Variants in NLRP8 observed in about 807,000 individuals in gnomAD.
NLRP8 encodes NACHT, LRR and PYD domains-containing protein 8.
A neutral mutation model predicts 88.7 loss-of-function variants in NLRP8; 86 were observed. The ratio of observed to expected loss-of-function variants is 0.97; its 90% CI spans 0.81 to 1.16. NLRP8 has a LOEUF of 1.16. Ranked by LOEUF, NLRP8 falls within the 50% of genes most tolerant of loss-of-function variation. The pLI is 0.00. For synonymous variants in NLRP8, 504 were observed against 494.6 expected, an observed-to-expected ratio of 1.02 and a Z score of -0.25; for missense variants, 1,342 against 1,286.5, an observed-to-expected ratio of 1.04 and a Z score of -0.66.
At chr19:55,984,450 T>C (rs896151448) in intron 9 of NLRP8, among the ~76,000 whole-genome samples, 1 of 150,352 alleles carries the variant, frequency 6.7e-6, no homozygotes, top group African/African-American at 2.5e-5. Flanking sequence ...AGGTCAGGAA[T>C]TTGAGACCGG....
chr19:55,978,451 G>T (rs930619776), intron 8 of NLRP8, among the ~76,000 whole-genome samples: 2 of 152,068 alleles, frequency 1.3e-5, no homozygotes, highest in Admixed American at 1.3e-4. Flanking sequence ...CCAAGGTGGA[G>T]GGGCTGCATC....
chr19:55,953,700 A>G (rs1979199563), intron 2 of NLRP8, among the ~76,000 whole-genome samples: 1 of 148,752 alleles, frequency 6.7e-6, no homozygotes, highest in Non-Finnish European at 1.5e-5. Flanking sequence ...GGGTTTCACC[A>G]TGTTAGCCAG....
chr19:55,982,198 G>A (rs375548788), intron 9 of NLRP8, among the ~76,000 whole-genome samples: 3 of 152,030 alleles, frequency 2.0e-5, no homozygotes, highest in African/African-American at 4.8e-5. Context: ...CACTATGCCC[G>A]GCCCAGGTTG....
At chr19:55,974,710 TG>T (rs1980228814) in intron 7 of NLRP8, among the ~76,000 whole-genome samples, 1 of 142,440 alleles carries the variant, frequency 7.0e-6, no homozygotes. Flanking sequence ...CACTCCAGCC[TG>T]GGCGACAGAG....
At chr19:55,948,310 C>A (rs1463136331) in intron 1 of NLRP8, 41 bp downstream of exon 1, 2 of 1,574,294 alleles carry the variant, frequency 1.3e-6, no homozygotes, top group East Asian at 2.3e-5. Context: ...GTGGGCTTGG[C>A]TGCTGGGCAG....
At position 55,955,400 on chromosome 19, in the gene NLRP8, C is replaced by T; in HGVS notation, c.1342C>T (p.Gln448Ter). 1 of 1,614,144 alleles carries T rather than the reference C, an allele frequency of 6.2e-7. No homozygotes were observed. The highest frequency in any genetic ancestry group is 1.3e-5 in the African/African-American group (1 of 75,034). ...TGAGAACTTTTCCAGAAAGATCCAC[C>T]AAGCACAACTGGAAGGTCTGTGTCA... Residue 448 changes from glutamine (Q) to a stop codon, truncating the protein, a stop_gained, in exon 3 of 10, where the codon CAA (glutamine) becomes TAA (stop). Transcript: ENST00000291971. LOFTEE classifies it high-confidence loss of function.
rs1179365084 is a variant in NLRP8, at chr19:55,957,671, AATTATATATATATATATATATATATAT to A, written c.2042+1574_2042+1600del. On this transcript the variant is annotated intron_variant, in intron 3 of 9. Coordinates refer to ENST00000291971, the MANE Select transcript of NLRP8 (RefSeq NM_176811.2). ...ACTATCTTAAAAAAGAAAAAATAATAATTATATATATATATATATATATATATATATATATATATATATATATATATA... is the reference window on the plus strand; with the variant it reads ...ACTATCTTAAAAAAGAAAAAATAATAATATATATATATATATATATATATA... Among the ~76,000 whole-genome samples the A allele has an allele frequency of 5.3e-3, 295 of 55,278 alleles. 19 individuals are homozygous for A. Among genetic ancestry groups the A allele is most frequent in the African/African-American group, 0.02 (218 of 11,156 alleles). 36.3% of individuals were successfully genotyped at this position (55,278 alleles called of 152,430 possible).
intron 6 of NLRP8, among the ~76,000 whole-genome samples, chr19:55,972,529 A>G (rs1476110841): frequency 1.3e-5 from 2 of 151,736 alleles, no homozygotes; most frequent in African/African-American, 4.8e-5. Flanking sequence ...CACGCCCAAC[A>G]TCCGAGCAGT....
rs1978921267 is a variant in NLRP8, at chr19:55,947,999, C to T, written c.97C>T (p.Pro33Ser). 2 of 1,614,092 alleles carry T rather than the reference C, an allele frequency of 1.2e-6. No individual in the cohort carries two copies. Among genetic ancestry groups the T allele is most frequent in the Non-Finnish European group, 1.7e-6 (2 of 1,180,034 alleles). ...TCCGCCCTGGACATTCTCTTGCTAC[C>T]CCGGCTCCCCATGTGAAAATGGGGT... The change falls in exon 1 of 10, where the codon CCC (proline) becomes TCC (serine). Residue 33 changes from proline (P) to serine (S), a missense_variant. Transcript: ENST00000291971.
At chr19:55,976,808 G>A (rs1467812822) in intron 8 of NLRP8, among the ~76,000 whole-genome samples, 6 of 30,032 alleles carry the variant, frequency 2.0e-4, no homozygotes, top group East Asian at 1.8e-3. Context: ...GGCCAGGCGC[G>A]GTGGCTCACG....
chr19:55,949,994 T>C (rs1033141217), intron 1 of NLRP8, among the ~76,000 whole-genome samples: 3 of 152,118 alleles, frequency 2.0e-5, no homozygotes, highest in African/African-American at 4.8e-5. Context: ...TAGCTCATCA[T>C]GTGAAAAGGA....
At position 55,986,304 on chromosome 19, in the gene NLRP8, AT is replaced by A. The variant is rs200122897; in HGVS notation, c.3048-1509del. On this transcript the variant is annotated intron_variant, in intron 9 of 9. Coordinates refer to ENST00000291971, the MANE Select transcript of NLRP8 (RefSeq NM_176811.2). ...CTCACACTCACACACACACTCTATC[AT>A]ACACAGTCTCTCACACACACACACT... 9.9e-3 allele frequency among the ~76,000 whole-genome samples: 1,474 copies of A among 149,402 alleles called. 46 individuals carry two copies. Among genetic ancestry groups the A allele is most frequent in the East Asian group, 0.063 (309 of 4,928 alleles).
At chr19:55,976,695 T>TAC (rs1980343217) in intron 8 of NLRP8, among the ~76,000 whole-genome samples, 1 of 150,964 alleles carries the variant, frequency 6.6e-6, no homozygotes, top group African/African-American at 2.4e-5. Context: ...GATATATATA[T>TAC]ACACATATAT....
intron 3 of NLRP8, among the ~76,000 whole-genome samples, chr19:55,960,018 T>C (rs1397310607): frequency 6.6e-6 from 1 of 152,130 alleles, no homozygotes; most frequent in Non-Finnish European, 1.5e-5. Flanking sequence ...TGTGGAGGTC[T>C]GGGGAGTTTC....
intron 6 of NLRP8, among the ~76,000 whole-genome samples, chr19:55,973,322 A>G (rs897247448): frequency 5.9e-5 from 9 of 152,014 alleles, no homozygotes; most frequent in African/African-American, 1.7e-4. Flanking sequence ...TGTTCTTTGT[A>G]GATTCTGAAT....
At chr19:55,951,755 T>G (rs185801545) in intron 1 of NLRP8, among the ~76,000 whole-genome samples, 19 of 152,268 alleles carry the variant, frequency 1.2e-4, no homozygotes, top group African/African-American at 4.3e-4. Flanking sequence ...TGTATTGGGT[T>G]TTTTATTTTT....
At chr19:55,957,720 T>A (rs1179402699) in intron 3 of NLRP8, among the ~76,000 whole-genome samples, 1 of 105,686 alleles carries the variant, frequency 9.5e-6, no homozygotes, top group Non-Finnish European at 1.9e-5. Flanking sequence ...TATATATATA[T>A]ATATAAAATA....
intron 6 of NLRP8, among the ~76,000 whole-genome samples, chr19:55,971,988 C>T (rs1423876881): frequency 3.3e-5 from 5 of 152,136 alleles, no homozygotes; most frequent in South Asian, 2.1e-4. Context: ...GTATTTAATG[C>T]GTCTTTCCTT....
intron 3 of NLRP8, among the ~76,000 whole-genome samples, chr19:55,958,739 G>A (rs1979481064): frequency 1.3e-5 from 2 of 152,114 alleles, no homozygotes. Flanking sequence ...TTGTAGAGAT[G>A]GGGGTCTCAC....
Sources: gnomAD v4.1 joint callset for allele counts (sites outside exome capture counted in the v4.1 genomes callset) on GRCh38, gnomAD v4.1.1 for gene constraint, MANE v1.5 for transcripts, NCBI Gene and HGNC (gene_info 2026-07-23, HGNC 2026-07-21) for gene names.